CFAP100: variants seen among roughly 807,000 people sequenced by gnomAD.
CFAP100 encodes cilia- and flagella-associated protein 100.
Under a neutral mutation model 81.5 loss-of-function variants are expected in CFAP100, and 70 were observed. The ratio of observed to expected loss-of-function variants is 0.86; its 90% confidence interval spans 0.71 to 1.05. The LOEUF (loss-of-function observed/expected upper bound fraction) is 1.05. Ranked by LOEUF, CFAP100 falls within the 50% of genes least tolerant of loss-of-function variation. The pLI is 0.00. For missense variants in CFAP100, 811 were observed against 776.5 expected, an observed-to-expected ratio of 1.04 and a Z score of -0.53; for synonymous variants, 341 against 314.8, an observed-to-expected ratio of 1.08 and a Z score of -0.88.
intron 15 of CFAP100, 137 bp downstream of exon 15, chr3:126,434,518 T>G: frequency 2.5e-6 from 2 of 816,018 alleles, no homozygotes; most frequent in Non-Finnish European, 3.7e-6. Flanking sequence ...CAAAAGCCCA[T>G]GTCTTGGGGG....
Position 126,434,356 on chromosome 3 carries a change from G to A in CFAP100, c.1603G>A (p.Ala535Thr). The change falls in exon 15 of 17, where the codon GCA (alanine) becomes ACA (threonine). Residue 535 changes from alanine to threonine, a missense_variant. By Grantham distance (58) the Ala-to-Thr change is moderately conservative. Transcript: ENST00000352312. ...PQVKIEQAER[A>T]KEKERRIRLR... ...GGTCAAGATCGAGCAGGCCGAGAGGGCAAAGGAGAAGGAGCGGCGCATCAG... is the reference window on the plus strand; with the variant it reads ...GGTCAAGATCGAGCAGGCCGAGAGGACAAAGGAGAAGGAGCGGCGCATCAG... 9 of 1,613,902 alleles carry A rather than the reference G, an allele frequency of 5.6e-6. No homozygotes were observed. The highest frequency in any genetic ancestry group is 6.8e-6 in the Non-Finnish European group (8 of 1,179,962).
intron 2 of CFAP100, among the ~76,000 whole-genome samples, chr3:126,400,018 G>T (rs2082948855): frequency 6.6e-6 from 1 of 152,170 alleles, no homozygotes; most frequent in Non-Finnish European, 1.5e-5. Flanking sequence ...AGGGTCTAAA[G>T]CAACCTCCCG....
chr3:126,396,030 C>G lies in CFAP100; in HGVS notation c.30C>G (p.Ser10=). 1 of 1,614,052 alleles carries G rather than the reference C, an allele frequency of 6.2e-7. No individual in the cohort carries two copies. Among genetic ancestry groups the G allele is most frequent in the Non-Finnish European group, 8.5e-7 (1 of 1,179,908 alleles). The part of the protein sequence containing the change: MSEIPSTIV[S]KNMTNDKNSL... ...CTGAGATACCGTCCACTATAGTCTCCAAGAACATGACCAATGACAGTAAGT... is the reference window on the plus strand; with the variant it reads ...CTGAGATACCGTCCACTATAGTCTCGAAGAACATGACCAATGACAGTAAGT... Residue 10 remains serine (S), a synonymous_variant, in exon 2 of 17, where the codon TCC becomes TCG. Coordinates refer to ENST00000352312, the MANE Select transcript of CFAP100 (RefSeq NM_182628.3).
intron 13 of CFAP100, among the ~76,000 whole-genome samples, chr3:126,424,334 AAC>A (rs1432154901): frequency 1.3e-5 from 2 of 152,342 alleles, no homozygotes; most frequent in African/African-American, 4.8e-5. Context: ...ACAGGCCTAA[AAC>A]ACAGCTTGTC....
At position 126,410,005 on chromosome 3, in the gene CFAP100, A is replaced by C. The variant is rs563793935; in HGVS notation, c.130+2753A>C. ...TACCTGAGGTCAGGAGTTCGAGACC[A>C]GCCTGAACAATATGATGAAACCTCG... is the stretch of plus-strand genomic sequence containing the variant. On this transcript the variant is annotated intron_variant, in intron 3 of 16. Transcript: ENST00000352312. 4.6e-5 allele frequency among the ~76,000 whole-genome samples: 7 copies of C among 152,312 alleles called. No individual in the cohort carries two copies. The East Asian group carries it at 9.6e-4, about 21-fold the overall frequency.
chr3:126,429,045 G>A (rs1265503090), intron 13 of CFAP100, among the ~76,000 whole-genome samples: 2 of 149,872 alleles, frequency 1.3e-5, no homozygotes, highest in African/African-American at 2.5e-5. Context: ...GGAGGTGGAG[G>A]CTGCAGTGAG....
At chr3:126,431,105 C>A (rs951179) in intron 13 of CFAP100, among the ~76,000 whole-genome samples, 33,508 of 152,156 alleles carry the variant, frequency 0.22, 4,008 homozygotes, top group East Asian at 0.36. Flanking sequence ...GCCAGAGATT[C>A]TCCATGTGTT....
chr3:126,404,889 G>A (rs2083040884), intron 2 of CFAP100, among the ~76,000 whole-genome samples: 1 of 152,072 alleles, frequency 6.6e-6, no homozygotes. Context: ...TGGCCAGGAT[G>A]GTCTCGATCT....
intron 11 of CFAP100, among the ~76,000 whole-genome samples, chr3:126,421,798 T>G (rs1396563368): frequency 6.6e-6 from 1 of 152,244 alleles, no homozygotes; most frequent in Non-Finnish European, 1.5e-5. Context: ...CGCCTTGTGG[T>G]GAAGACCAGC....
chr3:126,425,378 T>A (rs2083390969), intron 13 of CFAP100, among the ~76,000 whole-genome samples: 1 of 152,094 alleles, frequency 6.6e-6, no homozygotes, highest in African/African-American at 2.4e-5. Context: ...AAATAGACAA[T>A]CATAATAGGC....
At chr3:126,410,457 G>C (rs1283995698) in intron 3 of CFAP100, among the ~76,000 whole-genome samples, 1 of 151,952 alleles carries the variant, frequency 6.6e-6, no homozygotes, top group Non-Finnish European at 1.5e-5. Flanking sequence ...CACCTTGAAT[G>C]GCATTATTTT....
chr3:126,427,451 A>G (rs947136309), intron 13 of CFAP100, among the ~76,000 whole-genome samples: 13 of 152,154 alleles, frequency 8.5e-5, no homozygotes, highest in Non-Finnish European at 1.8e-4. Flanking sequence ...CAAGATAATA[A>G]TAATATAGTA....
intron 6 of CFAP100, 31 bp downstream of exon 6, chr3:126,418,556 G>A (rs555829239): frequency 6.2e-7 from 1 of 1,613,860 alleles, no homozygotes; most frequent in Non-Finnish European, 8.5e-7. Context: ...AGCGATGGAT[G>A]CCAGCAGTGG....
intron 11 of CFAP100, 122 bp downstream of exon 11, chr3:126,420,351 T>C (rs1402952132): frequency 2.2e-6 from 3 of 1,376,930 alleles, no homozygotes; most frequent in South Asian, 2.9e-5. Flanking sequence ...CAGTCCCTAC[T>C]CCAAGAAGGG....
rs376689563 is a variant in CFAP100 at position 126,410,200 on chromosome 3, CA to C, written c.130+2958del. On this transcript the variant is annotated intron_variant, in intron 3 of 16. Coordinates refer to ENST00000352312, the MANE Select transcript of CFAP100 (RefSeq NM_182628.3). ...TGGGCAAAAGAGCGAGACTCCGTCT[CA>C]AAAAAAAAAGTTCCTAAGTTTAGTG... Among the ~76,000 whole-genome samples, 1,304 of 149,038 alleles carry C rather than the reference CA, an allele frequency of 8.7e-3. 12 individuals are homozygous for C. The highest frequency in any genetic ancestry group is 0.086 in the Middle Eastern group (25 of 290).
At chr3:126,434,434 C>A in intron 15 of CFAP100, 53 bp downstream of exon 15, 1 of 1,556,298 alleles carries the variant, frequency 6.4e-7, no homozygotes, top group Non-Finnish European at 8.8e-7. Context: ...GCCCTGAGGG[C>A]AGAGGGCACA....
rs1236700668 is a variant in CFAP100 at position 126,436,527 on chromosome 3, C to G, written c.*123C>G. Reference sequence around the variant, plus strand: ...TCTCTGTCTCCTGTGTGCTCCCTTCCTCACCTGAATAAATTCATGTCTCTC... The same window carrying G: ...TCTCTGTCTCCTGTGTGCTCCCTTCGTCACCTGAATAAATTCATGTCTCTC... On this transcript the variant is annotated 3_prime_UTR_variant, in exon 17 of 17. Transcript: ENST00000352312. 3 of 672,328 alleles carry G rather than the reference C, an allele frequency of 4.5e-6. No individual in the cohort carries two copies. Among genetic ancestry groups the G allele is most frequent in the African/African-American group, 3.6e-5 (2 of 55,524 alleles). The allele number at this position is 672,328 out of a possible 1,614,324, so 41.6% of individuals were successfully genotyped here.
chr3:126,423,238 A>C, intron 11 of CFAP100, 87 bp from the exon 12 acceptor site: 2 of 1,103,732 alleles, frequency 1.8e-6, no homozygotes. Context: ...GGATGCTGCC[A>C]ACGCCTTCAA....
chr3:126,416,429 G>C lies in CFAP100; in HGVS notation c.339G>C (p.Glu113Asp). 3 of 1,611,804 alleles carry C rather than the reference G, an allele frequency of 1.9e-6. No homozygotes were observed. Among genetic ancestry groups the C allele is most frequent in the African/African-American group, 1.3e-5 (1 of 74,998 alleles). Reference sequence around the variant, plus strand: ...AGCTGCAGCTGGAGGACAAGCAGGAGGACCTGGAGGCGCGCGCCGAGGCCG... The same window carrying C: ...AGCTGCAGCTGGAGGACAAGCAGGACGACCTGGAGGCGCGCGCCGAGGCCG... ...RRQLQLEDKQ[E>D]DLEARAEAEH... Residue 113 changes from glutamate to aspartate, a missense_variant, in exon 5 of 17, where the codon GAG (glutamate) becomes GAC (aspartate). Glu to Asp is a conservative substitution (Grantham distance 45). Coordinates refer to ENST00000352312, the MANE Select transcript of CFAP100 (RefSeq NM_182628.3).
Sources: gnomAD v4.1 joint callset for allele counts (sites outside exome capture counted in the v4.1 genomes callset) on GRCh38, gnomAD v4.1.1 for gene constraint, MANE v1.5 for transcripts, NCBI Gene and HGNC (gene_info 2026-07-23, HGNC 2026-07-21) for gene names.